ZNF487: variants seen among roughly 807,000 people sequenced by gnomAD.
The protein encoded by ZNF487 is KRAB domain only 1.
ZNF487 carries 4 observed loss-of-function variants against 3.0 expected under a neutral mutation model. The observed-to-expected ratio is 1.35, with a 90% confidence interval of 0.66 to 3.08. The LOEUF is 3.08. ZNF487 is among the 30% of genes most tolerant of loss of function. The pLI, the probability that ZNF487 is intolerant of heterozygous loss-of-function variation, is 0.01. For synonymous variants in ZNF487, 55 were observed against 34.6 expected (o/e 1.59, Z -2.06); for missense variants, 146 against 98.7 (o/e 1.48, Z -2.03).
At chr10:43,485,970 A>G (rs141994887), downstream of ZNF487, among the ~76,000 whole-genome samples, 9 of 152,330 alleles carry the variant, frequency 5.9e-5, no homozygotes, top group Non-Finnish European at 1.3e-4. Context: ...CTGTAATTCT[A>G]TTTCACATTT....
At chr10:43,438,185 C>T (rs1018310408) in intron 1 of ZNF487, among the ~76,000 whole-genome samples, 1 of 151,950 alleles carries the variant, frequency 6.6e-6, no homozygotes, top group Non-Finnish European at 1.5e-5. Context: ...GTCTTAGGTT[C>T]CATATATATA....
rs764804604 is a variant in ZNF487 at position 43,476,170 on chromosome 10, TA to T, written c.99del (p.Glu34ArgfsTer10). On this transcript the variant is annotated frameshift_variant, in exon 3 of 4. Coordinates refer to ENST00000437590, the MANE Select transcript of ZNF487 (RefSeq NM_001355444.3). LOFTEE classifies it low-confidence loss of function (END_TRUNC). The stretch of plus-strand genomic sequence containing the variant: ...GAGCATGGACAGGTGCTGTGGATAT[TA>T]GAGGAAGAGTCCCCAAGTCAGAGCC... ...KLEHGQVLWI[L>X]EEESPSQSHL... The T allele has an allele frequency of 9.2e-5, 66 of 717,486 alleles. No homozygotes were observed. The East Asian group carries it at 1.6e-3, about 17-fold the overall frequency. 44.4% of individuals were successfully genotyped at this position (717,486 alleles called of 1,614,324 possible).
chr10:43,492,537 C>T, the ZNF487 span, among the ~76,000 whole-genome samples: 1 of 151,462 alleles, frequency 6.6e-6, no homozygotes, highest in Non-Finnish European at 1.5e-5. Context: ...CTGCAAGCTC[C>T]ACCTCCTGAG....
the ZNF487 span, among the ~76,000 whole-genome samples, chr10:43,489,697 T>G: frequency 1.8e-4 from 27 of 152,064 alleles, no homozygotes; most frequent in Admixed American, 1.7e-3. Context: ...AAGTTCCAAG[T>G]AGAAATGGAA....
intron 1 of ZNF487, among the ~76,000 whole-genome samples, chr10:43,464,687 G>T (rs1714087549): frequency 6.6e-6 from 1 of 152,176 alleles, no homozygotes; most frequent in Non-Finnish European, 1.5e-5. Flanking sequence ...ACAGGGTTGG[G>T]GGTAAGGTCA....
At chr10:43,509,590 C>G in the ZNF487 span, among the ~76,000 whole-genome samples, 2 of 151,678 alleles carry the variant, frequency 1.3e-5, no homozygotes, top group African/African-American at 2.4e-5. Flanking sequence ...AGGATTAGTT[C>G]CAAAAGGATT....
chr10:43,443,311 ACCTTG>A (rs570608196), intron 1 of ZNF487, among the ~76,000 whole-genome samples: 1 of 145,080 alleles, frequency 6.9e-6, no homozygotes, highest in African/African-American at 2.6e-5. Flanking sequence ...TGATCCACCC[ACCTTG>A]GCCTTCCAAA....
chr10:43,447,145 T>C (rs562966367), intron 1 of ZNF487, among the ~76,000 whole-genome samples: 73 of 151,178 alleles, frequency 4.8e-4, no homozygotes, highest in African/African-American at 1.7e-3. Flanking sequence ...GGCAGTACAG[T>C]CCAGCAGAGG....
intron 1 of ZNF487, among the ~76,000 whole-genome samples, chr10:43,464,439 A>G (rs1344057914): frequency 1.3e-5 from 2 of 151,948 alleles, no homozygotes; most frequent in Non-Finnish European, 2.9e-5. Flanking sequence ...TGGCAGGGTC[A>G]TAGGACAATA....
Position 43,482,293 on chromosome 10 carries a change from T to G in ZNF487, c.*371T>G. On this transcript the variant is annotated 3_prime_UTR_variant, in exon 4 of 4. Coordinates refer to ENST00000437590, the MANE Select transcript of ZNF487 (RefSeq NM_001355444.3). The stretch of plus-strand genomic sequence containing the variant: ...CATTTTGCTGTAAGCCAAAGCATTC[T>G]GTATATCAGAAAACAGATACAGAAG... 2.5e-6 allele frequency: 1 copy of G among 396,304 alleles called. No individual in the cohort carries two copies. Among genetic ancestry groups the G allele is most frequent in the Non-Finnish European group, 4.9e-6 (1 of 204,440 alleles). 24.5% of individuals were successfully genotyped at this position (396,304 alleles called of 1,614,324 possible). A position where few individuals can be genotyped will look rare whatever the true frequency, so the allele number is the denominator to read the frequency against.
chr10:43,497,198 A>G, the ZNF487 span, among the ~76,000 whole-genome samples: 1 of 152,172 alleles, frequency 6.6e-6, no homozygotes, highest in African/African-American at 2.4e-5. Flanking sequence ...TTTACATGCC[A>G]GTTAGGTTTA....
chr10:43,459,736 A>G (rs984747731), intron 1 of ZNF487, among the ~76,000 whole-genome samples: 4 of 151,100 alleles, frequency 2.6e-5, no homozygotes, highest in Non-Finnish European at 4.4e-5. Context: ...TTTTGTACAG[A>G]CAGGGTTTTG....
chr10:43,502,224 C>A, the ZNF487 span, among the ~76,000 whole-genome samples: 10 of 152,198 alleles, frequency 6.6e-5, no homozygotes, highest in Non-Finnish European at 1.2e-4. Flanking sequence ...GAGTTCATGT[C>A]TTTTGTAGGG....
the ZNF487 span, among the ~76,000 whole-genome samples, chr10:43,521,913 A>G: frequency 1.3e-5 from 1 of 77,140 alleles, no homozygotes; most frequent in African/African-American, 4.5e-5. Flanking sequence ...ATGACTTTAT[A>G]TATACAAAAA....
intron 1 of ZNF487, among the ~76,000 whole-genome samples, chr10:43,469,491 C>T (rs932791233): frequency 6.6e-6 from 1 of 152,066 alleles, no homozygotes; most frequent in African/African-American, 2.4e-5. Context: ...CCGCGCCTGG[C>T]CATCATTTAT....
intron 1 of ZNF487, among the ~76,000 whole-genome samples, chr10:43,469,162 T>G (rs1840816257): frequency 6.6e-6 from 1 of 152,026 alleles, no homozygotes; most frequent in Admixed American, 6.6e-5. Context: ...AGATTATGAT[T>G]CACTATAGGC....
intron 1 of ZNF487, among the ~76,000 whole-genome samples, chr10:43,465,655 C>T (rs1455367896): frequency 1.3e-5 from 2 of 151,496 alleles, no homozygotes; most frequent in Non-Finnish European, 2.9e-5. Context: ...GCGCTCCTCA[C>T]TTCCTAGATG....
At chr10:43,514,345 TG>T in the ZNF487 span, among the ~76,000 whole-genome samples, 1 of 152,204 alleles carries the variant, frequency 6.6e-6, no homozygotes, top group Admixed American at 6.5e-5. Flanking sequence ...TTCACCATGT[TG>T]GCCAGGCTAG....
intron 1 of ZNF487, among the ~76,000 whole-genome samples, chr10:43,446,099 A>T (rs905363747): frequency 1.3e-5 from 2 of 152,230 alleles, no homozygotes; most frequent in Non-Finnish European, 2.9e-5. Context: ...ACACAGTAAC[A>T]ATCTGATCTC....
Sources: allele counts gnomAD v4.1 joint callset (sites outside exome capture counted in the v4.1 genomes callset), GRCh38; gene constraint gnomAD v4.1.1; transcripts MANE v1.5; gene names NCBI Gene and HGNC (gene_info 2026-07-23, HGNC 2026-07-21).